TCERG1L: variants seen among roughly 807,000 people sequenced by gnomAD.
The protein encoded by TCERG1L is transcription elongation regulator 1-like protein.
In TCERG1L, 37 loss-of-function variants were observed where a neutral mutation model predicts 56.3. The ratio of observed to expected loss-of-function variants is 0.66; its 90% CI spans 0.51 to 0.87. TCERG1L has a LOEUF of 0.87. TCERG1L is among the 40% of genes least tolerant of loss of function. The probability of loss-of-function intolerance (pLI) is 0.00; values close to 1 mark genes in which losing one functional copy is unlikely to be tolerated. For synonymous variants in TCERG1L, 324 were observed against 326.3 expected (o/e 0.99, Z 0.08); for missense variants, 799 against 774.2 (o/e 1.03, Z -0.38).
chr10:131,264,404 T>TA (rs1846265357), intron 3 of TCERG1L, among the ~76,000 whole-genome samples: 1 of 152,170 alleles, frequency 6.6e-6, no homozygotes, highest in African/African-American at 2.4e-5. Flanking sequence ...TAGGGTGTGA[T>TA]ACGGGTGCAA....
chr10:131,305,901 C>T (rs1428794168), intron 3 of TCERG1L, among the ~76,000 whole-genome samples: 3 of 150,386 alleles, frequency 2.0e-5, no homozygotes, highest in Non-Finnish European at 2.9e-5. Context: ...TTTGTAAATG[C>T]ATACTTTTAT....
At chr10:131,308,968 C>T (rs1224695897) in intron 2 of TCERG1L, among the ~76,000 whole-genome samples, 185 bp downstream of exon 2, 4 of 152,112 alleles carry the variant, frequency 2.6e-5, no homozygotes, top group Non-Finnish European at 5.9e-5. Flanking sequence ...TAAACTAAAA[C>T]AAAATGCCCC....
intron 4 of TCERG1L, among the ~76,000 whole-genome samples, chr10:131,172,586 G>C (rs763036520): frequency 6.6e-6 from 1 of 152,252 alleles, no homozygotes; most frequent in African/African-American, 2.4e-5. Context: ...TCCATATCAC[G>C]CGTGCTCCAC....
intron 5 of TCERG1L, 96 bp from the exon 6 acceptor site, chr10:131,163,306 G>T: frequency 9.6e-7 from 1 of 1,041,414 alleles, no homozygotes; most frequent in Non-Finnish European, 1.4e-6. Context: ...TCTCCTGCAG[G>T]CAGGCAGCTT....
Position 131,193,935 on chromosome 10 carries a change from A to AG in TCERG1L, c.857-27051dup, listed in dbSNP as rs1845331002. ...TGTGTACCCCTCACTGAGCCCCCAC[A>AG]GGGGGATTATGAAGATAAAACCCCA... On this transcript the variant is annotated intron_variant, in intron 4 of 11. Coordinates refer to ENST00000368642, the MANE Select transcript of TCERG1L (RefSeq NM_174937.4). Among the ~76,000 whole-genome samples the AG allele has an allele frequency of 1.3e-5, 2 of 152,220 alleles. 1 individual carries two copies. Among genetic ancestry groups the AG allele is most frequent in the African/African-American group, 4.8e-5 (2 of 41,452 alleles).
intron 6 of TCERG1L, among the ~76,000 whole-genome samples, chr10:131,149,315 C>CTGCTCCAGTAGCAGACTCCAGGT (rs57277107): frequency 6.6e-6 from 1 of 152,074 alleles, no homozygotes; most frequent in Admixed American, 6.5e-5. Context: ...GCAGACTCCA[C>CTGCTCCAGTAGCAGACTCCAGGT]ACCCAGGTAG....
intron 4 of TCERG1L, among the ~76,000 whole-genome samples, chr10:131,176,321 G>T (rs8181460): frequency 6.7e-6 from 1 of 149,862 alleles, no homozygotes. Flanking sequence ...CATGCACACA[G>T]AGACACGTGT....
In TCERG1L at chr10:131,260,211, G is replaced by T; in HGVS notation, c.856+48C>A. On this transcript the variant is annotated intron_variant, in intron 4 of 11. Coordinates refer to ENST00000368642, the MANE Select transcript of TCERG1L (RefSeq NM_174937.4). This position sits in a 1 kb window ranked among gnomAD's most constrained non-coding sequence, Gnocchi z 5.8. ...GGGCATCTAACCAGGAAGCCTCCGC[G>T]CGCTCGCTAAGGCAGCACCAGGCGT... The T allele has an allele frequency of 1.5e-6, 2 of 1,310,832 alleles. No homozygotes were observed. The allele number at this position is 1,310,832 out of a possible 1,614,324, so 81.2% of individuals were successfully genotyped here. A position where few individuals can be genotyped will look rare whatever the true frequency, so the allele number is the denominator to read the frequency against.
intron 6 of TCERG1L, among the ~76,000 whole-genome samples, chr10:131,160,526 G>C (rs1845965793): frequency 6.6e-6 from 1 of 152,118 alleles, no homozygotes; most frequent in South Asian, 2.1e-4. Context: ...TCATCTGCAA[G>C]TACCCCTGGC....
At chr10:131,220,316 G>A in intron 4 of TCERG1L, among the ~76,000 whole-genome samples, 1 of 152,188 alleles carries the variant, frequency 6.6e-6, no homozygotes, top group Non-Finnish European at 1.5e-5. Flanking sequence ...CATCCTCCAG[G>A]GCTCTTGGCT....
intron 4 of TCERG1L, among the ~76,000 whole-genome samples, chr10:131,202,816 G>C (rs1845456742): frequency 6.6e-6 from 1 of 152,084 alleles, no homozygotes; most frequent in Admixed American, 6.6e-5. Flanking sequence ...GATTCTATAA[G>C]CTTCTAAATT....
chr10:131,124,723 GACA>G (rs1005536548), intron 8 of TCERG1L, among the ~76,000 whole-genome samples: 7 of 152,076 alleles, frequency 4.6e-5, no homozygotes, highest in East Asian at 3.9e-4. Context: ...TCCCCCAAAT[GACA>G]ACAACAACAA....
In TCERG1L at chr10:131,191,103, A is replaced by ATTTT. The variant is rs1845296761; in HGVS notation, c.857-24219_857-24218insAAAA. On this transcript the variant is annotated intron_variant, in intron 4 of 11. Transcript: ENST00000368642. ...CCATGCAAGAATAAAATAAAAACTCAGTATTTTTCACAACAGCTGCAAAAC... is the reference window on the plus strand; with the variant it reads ...CCATGCAAGAATAAAATAAAAACTCATTTTGTATTTTTCACAACAGCTGCAAAAC... 2.8e-5 allele frequency among the ~76,000 whole-genome samples: 4 copies of ATTTT among 144,238 alleles called. 1 individual carries two copies. Among genetic ancestry groups the ATTTT allele is most frequent in the Non-Finnish European group, 6.1e-5 (4 of 65,420 alleles). 94.6% of individuals were successfully genotyped at this position (144,238 alleles called of 152,430 possible).
chr10:131,166,749 C>T, intron 5 of TCERG1L, 48 bp downstream of exon 5: 2 of 1,582,374 alleles, frequency 1.3e-6, no homozygotes, highest in Admixed American at 1.7e-5. Context: ...TGGTCCTCCA[C>T]ACCCAGGGTT....
intron 3 of TCERG1L, among the ~76,000 whole-genome samples, chr10:131,277,065 C>A (rs541550218): frequency 9.2e-5 from 14 of 152,200 alleles, no homozygotes; most frequent in African/African-American, 3.1e-4. Flanking sequence ...CTATCCTAAG[C>A]GAGACGAGAG....
At chr10:131,104,430 T>A in intron 9 of TCERG1L, 76 bp from the exon 10 acceptor site, 1 of 969,004 alleles carries the variant, frequency 1.0e-6, no homozygotes, top group East Asian at 2.6e-5. Context: ...TGATCCACAG[T>A]TAAAAACAAA....
chr10:131,130,443 G>A lies in TCERG1L; in HGVS notation c.1259+3936C>T, dbSNP rs80182132. ...AGGTGGACAGCTAGAGGAAAATCAC[G>A]TCACCTGTGTCCCCCTCATGTGACC... On this transcript the variant is annotated intron_variant, in intron 8 of 11. Transcript: ENST00000368642. Among the ~76,000 whole-genome samples the A allele has an allele frequency of 7.6e-3, 1,154 of 152,236 alleles. 8 individuals are homozygous for A. Among genetic ancestry groups the A allele is most frequent in the Middle Eastern group, 0.014 (4 of 294 alleles).
chr10:131,311,624 G>A lies in TCERG1L; in HGVS notation c.12C>T (p.Gly4=). MQA[G]ARFQRRRRQL... is the part of the protein sequence containing the mutation. ...GCCGCCGCCGCCGCTGGAACCTGGC[G>A]CCCGCCTGCATCCTACATCCCCGCG... is the stretch of plus-strand genomic sequence containing the variant. Residue 4 remains glycine, a synonymous_variant, in exon 1 of 12, where the codon GGC becomes GGT. Coordinates refer to ENST00000368642, the MANE Select transcript of TCERG1L (RefSeq NM_174937.4). The surrounding 1 kb of genome is among the most constrained non-coding windows in gnomAD (Gnocchi z 4.0). 1 of 1,136,518 alleles carries A rather than the reference G, an allele frequency of 8.8e-7. No homozygotes were observed. 70.4% of individuals were successfully genotyped at this position (1,136,518 alleles called of 1,614,324 possible).
chr10:131,187,307 G>A (rs1845255127), intron 4 of TCERG1L, among the ~76,000 whole-genome samples: 1 of 152,230 alleles, frequency 6.6e-6, no homozygotes, highest in Admixed American at 6.5e-5. Context: ...GTATTCGATA[G>A]AGCTGTGCAA....
Sources: gnomAD v4.1 joint callset for allele counts (sites outside exome capture counted in the v4.1 genomes callset) on GRCh38, gnomAD v4.1.1 for gene constraint, Gnocchi (gnomAD v3.1) non-coding constraint, MANE v1.5 for transcripts, NCBI Gene and HGNC (gene_info 2026-07-23, HGNC 2026-07-21) for gene names.